The following KNDC1 variants were observed in gnomAD, a reference collection of about 807,000 sequenced individuals.
KNDC1 encodes the protein kinase non-catalytic C-lobe domain containing 1, also known as kinase non-catalytic C-lobe domain-containing protein 1.
KNDC1 carries 106 observed loss-of-function variants against 172.8 expected under a neutral mutation model. The observed-to-expected ratio is 0.61, with a 90% CI of 0.52 to 0.72. The LOEUF is 0.72. Ranked by LOEUF, KNDC1 falls within the 30% of genes least tolerant of loss-of-function variation. The pLI, the probability that KNDC1 is intolerant of heterozygous loss-of-function variation, is 0.00. For missense variants in KNDC1, 2,325 were observed against 2,394.5 expected, an observed-to-expected ratio of 0.97 and a Z score of 0.61; for synonymous variants, 1,083 against 1,062.2, an observed-to-expected ratio of 1.02 and a Z score of -0.38.
Position 133,163,313 on chromosome 10 carries a change from C to G in KNDC1, c.102+2744C>G, listed in dbSNP as rs905235463. Among the ~76,000 whole-genome samples, 1 of 152,208 alleles carries G rather than the reference C, an allele frequency of 6.6e-6. No individual in the cohort carries two copies. The highest frequency in any genetic ancestry group is 1.5e-5 in the Non-Finnish European group (1 of 68,038). Reference sequence around the variant, plus strand: ...CTCCCAGAGTTCAGCAACTGCCTCCCAGAACCTCCTGTGTGCCGGTGTCAG... The same window carrying G: ...CTCCCAGAGTTCAGCAACTGCCTCCGAGAACCTCCTGTGTGCCGGTGTCAG... On this transcript the variant is annotated intron_variant, in intron 1 of 29. Coordinates refer to ENST00000304613, the MANE Select transcript of KNDC1 (RefSeq NM_152643.8). This position sits in a 1 kb window ranked among gnomAD's most constrained non-coding sequence, Gnocchi z 4.4.
At chr10:133,193,397 T>G (rs1421192530) in intron 9 of KNDC1, among the ~76,000 whole-genome samples, 3 of 152,020 alleles carry the variant, frequency 2.0e-5, no homozygotes, top group Admixed American at 1.3e-4. Flanking sequence ...TGGTGGTGGG[T>G]GCCTGTAATC....
chr10:133,195,984 C>T (rs1394596038), intron 10 of KNDC1, among the ~76,000 whole-genome samples, 163 bp downstream of exon 10: 1 of 152,192 alleles, frequency 6.6e-6, no homozygotes, highest in Non-Finnish European at 1.5e-5. Context: ...GCCTGGCCGT[C>T]GCATGGGGAA....
In KNDC1 at chr10:133,214,122, G is replaced by C; in HGVS notation, c.4677G>C (p.Lys1559Asn). 4.3e-6 allele frequency: 7 copies of C among 1,613,880 alleles called. No homozygotes were observed. The highest frequency in any genetic ancestry group is 5.9e-6 in the Non-Finnish European group (7 of 1,179,962). Residue 1559 changes from lysine (K) to asparagine (N), a missense_variant and splice_region_variant, in exon 26 of 30, where the codon AAG (lysine) becomes AAC (asparagine). Coordinates refer to ENST00000304613, the MANE Select transcript of KNDC1 (RefSeq NM_152643.8). ...AGATTGTGACCAGCCACACCTCCAA[G>C]GTGGGCACCCTACAGTTCCGAGGCC... is the stretch of plus-strand genomic sequence containing the variant. ...AAEIVTSHTSKLQVNLLSKFL... is the reference protein window; with the variant it reads ...AAEIVTSHTSNLQVNLLSKFL...
chr10:133,185,454 G>T lies in KNDC1; in HGVS notation c.626-520G>T, dbSNP rs1381939414. Among the ~76,000 whole-genome samples the T allele has an allele frequency of 5.0e-4, 73 of 146,258 alleles. 1 individual carries two copies. Among genetic ancestry groups the T allele is most frequent in the Middle Eastern group, 3.6e-3 (1 of 278 alleles). On this transcript the variant is annotated intron_variant, in intron 5 of 29. Coordinates refer to ENST00000304613, the MANE Select transcript of KNDC1 (RefSeq NM_152643.8). ...GTGTGTGCAGTGTGGAATAGGCAGT[G>T]TGTGCAGTGTAGAGTAGGCAGTGTG... is the stretch of plus-strand genomic sequence containing the variant.
intron 29 of KNDC1, among the ~76,000 whole-genome samples, chr10:133,222,236 T>C (rs1208354230): frequency 6.8e-6 from 1 of 146,198 alleles, no homozygotes; most frequent in Non-Finnish European, 1.5e-5. Context: ...TGAGCCGAGA[T>C]CGCGCCACCG....
chr10:133,218,610 C>T (rs539192711), intron 26 of KNDC1, among the ~76,000 whole-genome samples: 2 of 152,266 alleles, frequency 1.3e-5, no homozygotes, highest in East Asian at 1.9e-4. Context: ...TCAGGCTTTG[C>T]TTTTATTTTG....
At position 133,218,972 on chromosome 10, in the gene KNDC1, C is replaced by A. The variant is rs1207059039; in HGVS notation, c.4800+19C>A. On this transcript the variant is annotated intron_variant, in intron 27 of 29. Transcript: ENST00000304613. ...GTCCCCTGTGCGTCCCCCTCGGGCC[C>A]CAAGGCGGGGGTGGGTACCCGCACG... The A allele has an allele frequency of 3.7e-6, 6 of 1,613,610 alleles. No homozygotes were observed. Among genetic ancestry groups the A allele is most frequent in the South Asian group, 1.1e-5 (1 of 91,082 alleles).
chr10:133,193,386 A>C (rs1025856849), intron 9 of KNDC1, among the ~76,000 whole-genome samples: 1 of 152,124 alleles, frequency 6.6e-6, no homozygotes, highest in South Asian at 2.1e-4. Flanking sequence ...TTTGCCAGGC[A>C]TGGTGGTGGG....
chr10:133,202,394 C>T (rs1031479191), intron 17 of KNDC1: 15 of 432,110 alleles, frequency 3.5e-5, no homozygotes, highest in African/African-American at 8.2e-5. Flanking sequence ...AGCTGCAACT[C>T]CTCCCTGGCC....
In KNDC1 at chr10:133,184,282, C is replaced by CAT. The variant is rs1491136860; in HGVS notation, c.625+293_625+294insAT. Among the ~76,000 whole-genome samples the CAT allele has an allele frequency of 2.1e-3, 285 of 134,608 alleles. 8 individuals carry two copies. Among genetic ancestry groups the CAT allele is most frequent in the African/African-American group, 5.8e-3 (227 of 39,126 alleles). 88.3% of individuals were successfully genotyped at this position (134,608 alleles called of 152,430 possible). A position where few individuals can be genotyped will look rare whatever the true frequency, so the allele number is the denominator to read the frequency against. On this transcript the variant is annotated intron_variant, in intron 5 of 29. Coordinates refer to ENST00000304613, the MANE Select transcript of KNDC1 (RefSeq NM_152643.8). ...CGTTACACACACCCATGCACACACA[C>CAT]GCTGCACACACACCCATGCACACAC...
At position 133,218,901 on chromosome 10, in the gene KNDC1, C is replaced by T. The variant is rs1352048401; in HGVS notation, c.4748C>T (p.Thr1583Ile). Residue 1583 changes from threonine (T) to isoleucine (I), a missense_variant, in exon 27 of 30, where the codon ACA becomes ATA. Transcript: ENST00000304613. ...KSCYEQRNFATAMQILSGLEH... is the reference protein window; with the variant it reads ...KSCYEQRNFAIAMQILSGLEH... ...TGCTATGAGCAGAGAAACTTCGCGA[C>T]AGCCATGCAGATCCTGAGCGGGCTG... 2 of 1,613,812 alleles carry T rather than the reference C, an allele frequency of 1.2e-6. No homozygotes were observed. The highest frequency in any genetic ancestry group is 2.7e-5 in the African/African-American group (2 of 74,964).
At chr10:133,202,869 G>T (rs1429962661) in intron 17 of KNDC1, among the ~76,000 whole-genome samples, 1 of 152,230 alleles carries the variant, frequency 6.6e-6, no homozygotes, top group East Asian at 1.9e-4. Context: ...AGGGCCTGAG[G>T]GGGCTTCGAG....
intron 1 of KNDC1, among the ~76,000 whole-genome samples, chr10:133,166,869 A>G (rs1591216649): frequency 6.6e-6 from 1 of 151,932 alleles, no homozygotes; most frequent in Admixed American, 6.5e-5. Flanking sequence ...CATGGAGGGA[A>G]CCGCCGTGAC....
At chr10:133,184,176 G>GCA (rs551669375) in intron 5 of KNDC1, among the ~76,000 whole-genome samples, 187 bp downstream of exon 5, 2 of 120,744 alleles carry the variant, frequency 1.7e-5, no homozygotes, top group Admixed American at 8.4e-5. Context: ...ACACACCTAT[G>GCA]CACACACACA....
At chr10:133,194,279 G>A (rs368427884) in intron 9 of KNDC1, among the ~76,000 whole-genome samples, 44 of 152,160 alleles carry the variant, frequency 2.9e-4, no homozygotes, top group Non-Finnish European at 5.9e-5. Flanking sequence ...ACTTGGAAAC[G>A]AAACAACACA....
Position 133,199,122 on chromosome 10 carries a change from C to A in KNDC1, c.2614C>A (p.Arg872=), listed in dbSNP as rs773808537. Residue 872 remains arginine (R), a synonymous_variant, in exon 14 of 30, where the codon CGG becomes AGG. Coordinates refer to ENST00000304613, the MANE Select transcript of KNDC1 (RefSeq NM_152643.8). ...CCCAGAGAGGCCGCGGCCCGCAGAC[C>A]GGAGGCTCTGTCTGCCCTGCGTGGA... ...SVPERPRPAD[R]RLCLPCVDAS... 1.2e-6 allele frequency: 2 copies of A among 1,607,226 alleles called. No homozygotes were observed. The highest frequency in any genetic ancestry group is 1.3e-5 in the African/African-American group (1 of 74,864).
chr10:133,183,635 G>A (rs1203872082), intron 4 of KNDC1, 145 bp downstream of exon 4: 14 of 1,077,948 alleles, frequency 1.3e-5, no homozygotes, highest in Non-Finnish European at 1.7e-5. Flanking sequence ...CTTAAAGGAG[G>A]ACTTGGTTTT....
chr10:133,220,281 G>A (rs1385511060), intron 29 of KNDC1, among the ~76,000 whole-genome samples, 169 bp downstream of exon 29: 9 of 84,178 alleles, frequency 1.1e-4, no homozygotes, highest in African/African-American at 2.6e-4. Flanking sequence ...AGGAGAGGAG[G>A]GGCTCAGGCG....
rs114113629 is a variant in KNDC1, at chr10:133,206,923, A to G, written c.3549A>G (p.Gln1183=). Residue 1183 remains glutamine (Q), a synonymous_variant, in exon 19 of 30, where the codon CAA becomes CAG. Transcript: ENST00000304613. ...GQLEEMKSRV[Q]FLSLVKKYLQ... ...TAGAAGAAATGAAATCCAGGGTGCA[A>G]TTCCTCAGCTTGGTCAAGAAGTATC... is the stretch of plus-strand genomic sequence containing the variant. The G allele has an allele frequency of 8.1e-6, 13 of 1,614,036 alleles. No homozygotes were observed. The highest frequency in any genetic ancestry group is 3.3e-5 in the Admixed American group (2 of 60,024).
Sources: gnomAD v4.1 joint callset for allele counts (sites outside exome capture counted in the v4.1 genomes callset) on GRCh38, gnomAD v4.1.1 for gene constraint, Gnocchi (gnomAD v3.1) non-coding constraint, MANE v1.5 for transcripts, NCBI Gene and HGNC (gene_info 2026-07-23, HGNC 2026-07-21) for gene names.